The following CACNA2D1 variants were observed in gnomAD, a reference collection of about 807,000 sequenced individuals.
CACNA2D1 encodes calcium voltage-gated channel auxiliary subunit alpha2delta 1, also known as voltage-dependent calcium channel subunit alpha-2/delta-1.
In CACNA2D1, 53 loss-of-function variants were observed where a neutral mutation model predicts 171.5. The observed-to-expected ratio is 0.31, with a 90% CI of 0.25 to 0.39. The LOEUF (loss-of-function observed/expected upper bound fraction) is 0.39. CACNA2D1 is among the 10% of genes least tolerant of loss of function. The pLI, the probability that CACNA2D1 is intolerant of heterozygous loss-of-function variation, is 1.00. For missense variants in CACNA2D1, 903 were observed against 1,299.8 expected, an observed-to-expected ratio of 0.69 and a Z score of 4.69; for synonymous variants, 442 against 443.1, an observed-to-expected ratio of 1.00 and a Z score of 0.03.
At chr7:82,118,607 C>A (rs535437051) in intron 5 of CACNA2D1, among the ~76,000 whole-genome samples, 1 of 151,988 alleles carries the variant, frequency 6.6e-6, no homozygotes, top group Admixed American at 6.6e-5. Flanking sequence ...AGGTTTAAGT[C>A]TTTTCTATTA....
intron 27 of CACNA2D1, 43 bp from the exon 28 acceptor site, chr7:81,970,027 T>C (rs367612415): frequency 1.7e-4 from 190 of 1,132,940 alleles, no homozygotes; most frequent in Non-Finnish European, 2.2e-4. Flanking sequence ...TTAATCTACC[T>C]GATAACCTAC....
chr7:82,041,442 A>G (rs7781501), intron 10 of CACNA2D1, among the ~76,000 whole-genome samples: 2,845 of 152,246 alleles, frequency 0.019, 99 homozygotes, highest in African/African-American at 0.063. Context: ...TGTCTGTGGC[A>G]TTTGTCTCCT....
intron 6 of CACNA2D1, among the ~76,000 whole-genome samples, chr7:82,104,803 T>A (rs1403117203): frequency 6.6e-6 from 1 of 152,078 alleles, no homozygotes; most frequent in Non-Finnish European, 1.5e-5. Context: ...AGAATACATG[T>A]TGTAATTGAA....
intron 6 of CACNA2D1, among the ~76,000 whole-genome samples, chr7:82,088,973 A>G (rs953740977): frequency 4.6e-5 from 7 of 151,958 alleles, no homozygotes; most frequent in African/African-American, 1.2e-4. Flanking sequence ...TCATGCTCCT[A>G]TGAGAATCTA....
chr7:82,225,410 A>G (rs1235861432), intron 3 of CACNA2D1, among the ~76,000 whole-genome samples: 1 of 152,218 alleles, frequency 6.6e-6, no homozygotes, highest in Non-Finnish European at 1.5e-5. Flanking sequence ...CTGAAATTCT[A>G]CCTACTACCT....
chr7:82,339,098 G>A (rs1818318924), intron 2 of CACNA2D1, among the ~76,000 whole-genome samples: 1 of 152,108 alleles, frequency 6.6e-6, no homozygotes, highest in African/African-American at 2.4e-5. Flanking sequence ...CCTGCGCCCA[G>A]GCATGGAGAA....
chr7:82,022,573 G>A (rs1316552926), intron 12 of CACNA2D1, among the ~76,000 whole-genome samples: 1 of 151,762 alleles, frequency 6.6e-6, no homozygotes, highest in Non-Finnish European at 1.5e-5. Flanking sequence ...CATTAGATAT[G>A]CAATAAATTA....
At chr7:82,141,214 A>C (rs1163614501) in intron 4 of CACNA2D1, among the ~76,000 whole-genome samples, 1 of 152,162 alleles carries the variant, frequency 6.6e-6, no homozygotes, top group African/African-American at 2.4e-5. Context: ...GAGTCACCAC[A>C]ATATATCCAG....
At chr7:82,073,173 C>T (rs1459784746) in intron 7 of CACNA2D1, among the ~76,000 whole-genome samples, 1 of 152,116 alleles carries the variant, frequency 6.6e-6, no homozygotes, top group Non-Finnish European at 1.5e-5. Flanking sequence ...GATGAGAGGA[C>T]AGGATGGGCA....
At chr7:82,291,476 A>T (rs1239707559) in intron 3 of CACNA2D1, among the ~76,000 whole-genome samples, 1 of 134,354 alleles carries the variant, frequency 7.4e-6, no homozygotes, top group African/African-American at 2.7e-5. Flanking sequence ...ATAATATATA[A>T]AAATATATTA....
intron 3 of CACNA2D1, among the ~76,000 whole-genome samples, chr7:82,176,842 T>C (rs56040123): frequency 0.041 from 6,272 of 152,082 alleles, 424 homozygotes; most frequent in African/African-American, 0.14. Context: ...ATATACCATA[T>C]ACATCATATA....
rs544253303 is a variant in CACNA2D1 at position 82,135,484 on chromosome 7, T to A, written c.396+1151A>T. ...CCACCTATGTCTAGAGGAAAAAAAA[T>A]ACTTTTTAAAACACTCTTAGCTCTT... On this transcript the variant is annotated intron_variant, in intron 5 of 38. Coordinates refer to ENST00000356860, the MANE Select transcript of CACNA2D1 (RefSeq NM_000722.4). 1.7e-3 allele frequency among the ~76,000 whole-genome samples: 251 copies of A among 152,102 alleles called. 1 individual carries two copies. The highest frequency in any genetic ancestry group is 5.9e-3 in the African/African-American group (243 of 41,536).
chr7:82,284,005 G>A (rs1002290364), intron 3 of CACNA2D1, among the ~76,000 whole-genome samples: 2 of 151,932 alleles, frequency 1.3e-5, no homozygotes, highest in African/African-American at 4.8e-5. Flanking sequence ...TCAAGTTAGA[G>A]ATGGTCTGTT....
In CACNA2D1 at chr7:82,167,994, A is replaced by C. The variant is rs148585547; in HGVS notation, c.354+2556T>G. Among the ~76,000 whole-genome samples, 735 of 152,254 alleles carry C rather than the reference A, an allele frequency of 4.8e-3. 8 individuals are homozygous for C. The highest frequency in any genetic ancestry group is 0.017 in the African/African-American group (706 of 41,560). ...GTGGGACTGATTTGTCCTCTTGCAC[A>C]ATGTTTTTTTAGCAGTACTGCTACT... On this transcript the variant is annotated intron_variant, in intron 4 of 38. Coordinates refer to ENST00000356860, the MANE Select transcript of CACNA2D1 (RefSeq NM_000722.4).
At chr7:82,135,457 C>T (rs761318684) in intron 5 of CACNA2D1, among the ~76,000 whole-genome samples, 1 of 151,890 alleles carries the variant, frequency 6.6e-6, no homozygotes. Flanking sequence ...GTCATGGGAA[C>T]GCCACCTATG....
At chr7:82,362,039 C>T (rs1821135057) in intron 1 of CACNA2D1, among the ~76,000 whole-genome samples, 1 of 152,108 alleles carries the variant, frequency 6.6e-6, no homozygotes, top group Non-Finnish European at 1.5e-5. Flanking sequence ...CATATTCAAT[C>T]ATCTCAGATA....
chr7:82,404,430 T>A (rs190478456), intron 1 of CACNA2D1, among the ~76,000 whole-genome samples: 1 of 152,186 alleles, frequency 6.6e-6, no homozygotes, highest in Non-Finnish European at 1.5e-5. Context: ...CAGATCTTAA[T>A]TGACACCCCT....
At chr7:82,197,509 T>C (rs978193361) in intron 3 of CACNA2D1, among the ~76,000 whole-genome samples, 2 of 152,076 alleles carry the variant, frequency 1.3e-5, no homozygotes, top group South Asian at 2.1e-4. Flanking sequence ...TTCTAGTATA[T>C]GGGGCTGAGA....
intron 5 of CACNA2D1, among the ~76,000 whole-genome samples, chr7:82,130,642 T>C (rs984310991): frequency 2.0e-5 from 3 of 151,776 alleles, no homozygotes; most frequent in Non-Finnish European, 2.9e-5. Context: ...GTCTTAGGAG[T>C]TGGAAAACAA....
Sources: gnomAD v4.1 joint callset for allele counts (sites outside exome capture counted in the v4.1 genomes callset) on GRCh38, gnomAD v4.1.1 for gene constraint, MANE v1.5 for transcripts, NCBI Gene and HGNC (gene_info 2026-07-23, HGNC 2026-07-21) for gene names.